RPTOR: variants seen among roughly 807,000 people sequenced by gnomAD.
RPTOR encodes regulatory associated protein of MTOR complex 1.
Under a neutral mutation model 169.9 loss-of-function variants are expected in RPTOR, and 21 were observed. That is an observed-to-expected ratio of 0.12 (90% CI 0.09 to 0.18). The LOEUF (loss-of-function observed/expected upper bound fraction) is 0.18, where lower values mean the gene tolerates loss of function less well. RPTOR is among the 10% of genes least tolerant of loss of function. RPTOR has a pLI of 1.00. For missense variants in RPTOR, 1,133 were observed against 1,855.9 expected (o/e 0.61, Z 7.16); for synonymous variants, 732 against 753.2 (o/e 0.97, Z 0.46).
At chr17:80,736,546 C>T (rs944408987) in intron 5 of RPTOR, among the ~76,000 whole-genome samples, 7 of 152,130 alleles carry the variant, frequency 4.6e-5, no homozygotes, top group Non-Finnish European at 1.0e-4. Context: ...TGTAATTCTG[C>T]CAAAAATGAC....
intron 10 of RPTOR, among the ~76,000 whole-genome samples, chr17:80,840,829 ACACT>A (rs1226612195): frequency 8.1e-5 from 10 of 123,098 alleles, no homozygotes; most frequent in Non-Finnish European, 1.5e-4. Context: ...GCCGCAGCTC[ACACT>A]CACCGCACGG....
Position 80,788,394 on chromosome 17 carries a change from G to A in RPTOR, c.831-3056G>A, listed in dbSNP as rs190996272. ...ACCCAGGAGGCAGAGGTTGCCGTGA[G>A]CCAAAATCACACCACTGCACTCCAG... On this transcript the variant is annotated intron_variant, in intron 6 of 33. Transcript: ENST00000306801. 1.1e-3 allele frequency among the ~76,000 whole-genome samples: 161 copies of A among 152,238 alleles called. 2 individuals carry two copies. The highest frequency in any genetic ancestry group is 6.8e-3 in the Middle Eastern group (2 of 294).
intron 7 of RPTOR, among the ~76,000 whole-genome samples, chr17:80,818,184 A>G (rs2067343479): frequency 6.6e-6 from 1 of 152,208 alleles, no homozygotes; most frequent in Admixed American, 6.5e-5. Flanking sequence ...GCAGAGAAAC[A>G]GGTACCACGA....
At chr17:80,929,644 G>A (rs896002126) in intron 24 of RPTOR, among the ~76,000 whole-genome samples, 3 of 152,150 alleles carry the variant, frequency 2.0e-5, no homozygotes, top group Non-Finnish European at 4.4e-5. Context: ...GGGTGGATGC[G>A]GAAGCTGCAC....
At chr17:80,570,350 A>G (rs534836109) in intron 1 of RPTOR, among the ~76,000 whole-genome samples, 6 of 152,308 alleles carry the variant, frequency 3.9e-5, no homozygotes, top group East Asian at 1.9e-4. Flanking sequence ...AGTCCCCCCA[A>G]GTATGATATA....
At chr17:80,914,585 T>A (rs1205723054) in intron 21 of RPTOR, among the ~76,000 whole-genome samples, 1 of 152,214 alleles carries the variant, frequency 6.6e-6, no homozygotes, top group Non-Finnish European at 1.5e-5. Context: ...TGGCACCCAC[T>A]TCAATCTCGG....
intron 3 of RPTOR, among the ~76,000 whole-genome samples, chr17:80,645,920 T>G (rs1599631615): frequency 6.6e-6 from 1 of 152,212 alleles, no homozygotes; most frequent in African/African-American, 2.4e-5. Flanking sequence ...TGGGAAAATT[T>G]GTTAAAGTTG....
rs560585308 is a variant in RPTOR at position 80,545,234 on chromosome 17, G to T, written c.-396G>T. The T allele has an allele frequency of 2.1e-5, 5 of 237,724 alleles. No individual in the cohort carries two copies. The Admixed American group carries it at 2.8e-4, about 13-fold the overall frequency. The allele number at this position is 237,724 out of a possible 1,614,324, so 14.7% of individuals were successfully genotyped here. A position where few individuals can be genotyped will look rare whatever the true frequency, so the allele number is the denominator to read the frequency against. On this transcript the variant is annotated 5_prime_UTR_variant, in exon 1 of 34. Transcript: ENST00000306801. ...GGCGAACCGGCACCAAGAGCGGCCT[G>T]CCTGTCTTCGGAACTGCTGAGGCGG...
rs1254714719 is a variant in RPTOR, at chr17:80,562,472, T to C, written c.162+16681T>C. 1.3e-5 allele frequency among the ~76,000 whole-genome samples: 2 copies of C among 152,180 alleles called. No individual in the cohort carries two copies. The highest frequency in any genetic ancestry group is 2.9e-5 in the Non-Finnish European group (2 of 68,038). ...GTTTGATGTTTTCTTGGAGAGCTTT[T>C]TATTTTATCCTTAAAAGTAGATCAG... On this transcript the variant is annotated intron_variant, in intron 1 of 33. Coordinates refer to ENST00000306801, the MANE Select transcript of RPTOR (RefSeq NM_020761.3). This position sits in a 1 kb window ranked among gnomAD's most constrained non-coding sequence, Gnocchi z 4.4.
chr17:80,903,699 G>A (rs1336857322), intron 20 of RPTOR, among the ~76,000 whole-genome samples: 1 of 152,170 alleles, frequency 6.6e-6, no homozygotes, highest in Non-Finnish European at 1.5e-5. Context: ...GAAGCTGAAA[G>A]AGTCCTTACA....
At chr17:80,805,479 C>G (rs2067209328) in intron 7 of RPTOR, 1 of 152,358 alleles carries the variant, frequency 6.6e-6, no homozygotes, top group East Asian at 1.9e-4. Flanking sequence ...TGTGGCAGGC[C>G]TTTCAGCAGC....
At chr17:80,782,620 G>A (rs910413109) in intron 6 of RPTOR, among the ~76,000 whole-genome samples, 6 of 152,154 alleles carry the variant, frequency 3.9e-5, no homozygotes, top group Non-Finnish European at 8.8e-5. Flanking sequence ...CCCCATAGCT[G>A]TTCCTCAGCA....
intron 22 of RPTOR, 96 bp downstream of exon 22, chr17:80,922,923 C>T: frequency 1.9e-6 from 2 of 1,036,068 alleles, no homozygotes; most frequent in South Asian, 2.9e-5. Context: ...CTCCTCCTTC[C>T]CCGCCCTGTC....
intron 3 of RPTOR, among the ~76,000 whole-genome samples, chr17:80,689,834 G>C (rs1293714020): frequency 6.6e-6 from 1 of 152,080 alleles, no homozygotes; most frequent in Non-Finnish European, 1.5e-5. Context: ...ATTTTTCTAG[G>C]TATGATAATC....
intron 6 of RPTOR, among the ~76,000 whole-genome samples, chr17:80,764,778 A>G (rs1012840926): frequency 4.6e-5 from 7 of 152,094 alleles, no homozygotes; most frequent in African/African-American, 1.4e-4. Context: ...AGTCCCACCA[A>G]CAGTGTAAAA....
chr17:80,799,945 C>T (rs967941606), intron 7 of RPTOR, among the ~76,000 whole-genome samples: 19 of 152,358 alleles, frequency 1.2e-4, no homozygotes, highest in African/African-American at 3.4e-4. Flanking sequence ...TGCCCGCTGC[C>T]ATCTGAGAGG....
chr17:80,823,173 C>T lies in RPTOR; in HGVS notation c.1086C>T (p.Cys362=). ...AAAGGATTATGAGGTCGTATAACTG[C>T]ACTCCCGTCAGCAGCCCGCGTCTGC... ...LAERIMRSYN[C]TPVSSPRLPP... The change falls in exon 9 of 34, where the codon TGC becomes TGT. Residue 362 remains cysteine, a synonymous_variant. Coordinates refer to ENST00000306801, the MANE Select transcript of RPTOR (RefSeq NM_020761.3). The surrounding 1 kb of genome is among the most constrained non-coding windows in gnomAD (Gnocchi z 4.5). 1 of 1,614,194 alleles carries T rather than the reference C, an allele frequency of 6.2e-7. No homozygotes were observed. Among genetic ancestry groups the T allele is most frequent in the Non-Finnish European group, 8.5e-7 (1 of 1,180,028 alleles).
In RPTOR at chr17:80,786,312, T is replaced by G. The variant is rs1041663745; in HGVS notation, c.831-5138T>G. On this transcript the variant is annotated intron_variant, in intron 6 of 33. Transcript: ENST00000306801. ...TGGGTTTATACAAATTTTTCACTTT[T>G]TTATGGTAAATACATGTGGGTTTTT... Among the ~76,000 whole-genome samples, 10 of 152,224 alleles carry G rather than the reference T, an allele frequency of 6.6e-5. 1 individual carries two copies. Among genetic ancestry groups the G allele is most frequent in the Admixed American group, 6.5e-4 (10 of 15,288 alleles).
chr17:80,769,803 C>T (rs1371542773), intron 6 of RPTOR, among the ~76,000 whole-genome samples: 1 of 152,194 alleles, frequency 6.6e-6, no homozygotes, highest in Non-Finnish European at 1.5e-5. Flanking sequence ...CCCAGTGTGG[C>T]ATCTGAGTGA....
Sources: allele counts gnomAD v4.1 joint callset (sites outside exome capture counted in the v4.1 genomes callset), GRCh38; gene constraint gnomAD v4.1.1; non-coding constraint Gnocchi (gnomAD v3.1); transcripts MANE v1.5; gene names NCBI Gene and HGNC (gene_info 2026-07-23, HGNC 2026-07-21).